PAM: variants seen among roughly 807,000 people sequenced by gnomAD.
PAM encodes the protein peptidyl-glycine alpha-amidating monooxygenase.
A neutral mutation model predicts 122.1 loss-of-function variants in PAM; 72 were observed. The ratio of observed to expected loss-of-function variants is 0.59; its 90% CI spans 0.49 to 0.72. The LOEUF is 0.72. Among genes scored for constraint, PAM ranks in the 30% least tolerant of loss-of-function variants. The pLI is 0.00. For synonymous variants in PAM, 389 were observed against 404.4 expected (o/e 0.96, Z 0.46); for missense variants, 1,106 against 1,183.7 (o/e 0.93, Z 0.96).
chr5:102,852,923 A>G (rs1421454989), intron 1 of PAM, among the ~76,000 whole-genome samples: 5 of 152,212 alleles, frequency 3.3e-5, no homozygotes. Flanking sequence ...TCTTGTCCGT[A>G]TTTCTCTAAG....
At chr5:102,859,961 G>A (rs1216195556) in intron 1 of PAM, among the ~76,000 whole-genome samples, 1 of 152,170 alleles carries the variant, frequency 6.6e-6, no homozygotes, top group Non-Finnish European at 1.5e-5. Context: ...GTTTATGTAA[G>A]TACAGCCAAT....
intron 1 of PAM, among the ~76,000 whole-genome samples, chr5:102,844,358 A>T (rs57464900): frequency 6.6e-6 from 1 of 152,200 alleles, no homozygotes; most frequent in Non-Finnish European, 1.5e-5. Flanking sequence ...ATCTCTCTGT[A>T]CTATTTCTTC....
At chr5:102,886,464 G>A (rs969276491) in intron 3 of PAM, among the ~76,000 whole-genome samples, 6 of 151,660 alleles carry the variant, frequency 4.0e-5, no homozygotes, top group Admixed American at 2.0e-4. Context: ...ATACCAGTCT[G>A]CCACAACATT....
upstream of PAM, chr5:102,755,205 A>G (rs888803): frequency 0.029 from 4,374 of 152,292 alleles, 111 homozygotes; most frequent in East Asian, 0.14. Flanking sequence ...CACGCCGAGG[A>G]GAGGGAGCCC....
At chr5:102,838,855 A>G (rs771179038) in intron 1 of PAM, among the ~76,000 whole-genome samples, 6 of 152,186 alleles carry the variant, frequency 3.9e-5, no homozygotes, top group African/African-American at 7.2e-5. Flanking sequence ...ATTCTTTAAT[A>G]TGGAGAGTTG....
At chr5:103,003,536 A>G (rs566164145) in intron 17 of PAM, among the ~76,000 whole-genome samples, 1 of 152,050 alleles carries the variant, frequency 6.6e-6, no homozygotes, top group South Asian at 2.1e-4. Flanking sequence ...TTGTATACAT[A>G]TGTCATAACA....
intron 5 of PAM, among the ~76,000 whole-genome samples, chr5:102,924,306 A>G (rs1198107130): frequency 6.6e-6 from 1 of 151,662 alleles, no homozygotes; most frequent in Non-Finnish European, 1.5e-5. Flanking sequence ...GGTGGTGGGC[A>G]CCTGTAATCC....
intron 15 of PAM, among the ~76,000 whole-genome samples, chr5:102,986,467 A>G (rs1385766865): frequency 1.3e-5 from 2 of 152,332 alleles, no homozygotes; most frequent in Middle Eastern, 3.4e-3. Flanking sequence ...AAAGAAATCA[A>G]GAAAGCAGTC....
chr5:102,897,697 C>T (rs1796596333), intron 3 of PAM, among the ~76,000 whole-genome samples: 3 of 151,572 alleles, frequency 2.0e-5, no homozygotes, highest in African/African-American at 7.3e-5. Flanking sequence ...TCTATTTGTA[C>T]ACCTCTTTGT....
At chr5:103,030,282 T>G (rs1240430118), downstream of PAM, 1 of 152,182 alleles carries the variant, frequency 6.6e-6, no homozygotes, top group Non-Finnish European at 1.5e-5. Context: ...TTTCCATGTA[T>G]CCATAGGAAT....
rs535524417 is a variant in PAM at position 102,836,948 on chromosome 5, A to G, written c.-373-28875A>G. 3.3e-5 allele frequency among the ~76,000 whole-genome samples: 5 copies of G among 150,040 alleles called. No individual in the cohort carries two copies. In the South Asian group the frequency reaches 1.1e-3, roughly 32 times the overall value. On this transcript the variant is annotated intron_variant, in intron 1 of 25. Transcript: ENST00000438793. ...GGTGAGGGAAAGCTGCTCACCTCAC[A>G]GGAAGGCTGAAGCCTGAAATGATAA...
intron 4 of PAM, among the ~76,000 whole-genome samples, chr5:102,905,832 A>C (rs1223529006): frequency 1.3e-5 from 2 of 151,706 alleles, no homozygotes; most frequent in Non-Finnish European, 3.0e-5. Flanking sequence ...AAACATAAAT[A>C]ATGAGTAGTC....
At chr5:102,889,866 T>C (rs1561778581) in intron 3 of PAM, among the ~76,000 whole-genome samples, 1 of 151,908 alleles carries the variant, frequency 6.6e-6, no homozygotes, top group Non-Finnish European at 1.5e-5. Context: ...TTCCTACTAC[T>C]TTTTTAGTCC....
At chr5:102,839,356 G>A (rs1777932063) in intron 1 of PAM, among the ~76,000 whole-genome samples, 1 of 152,012 alleles carries the variant, frequency 6.6e-6, no homozygotes, top group East Asian at 1.9e-4. Flanking sequence ...GAGGCTGAAA[G>A]TGAATGTGTA....
intron 1 of PAM, among the ~76,000 whole-genome samples, chr5:102,756,626 C>G (rs1011474071): frequency 1.3e-5 from 2 of 152,108 alleles, no homozygotes; most frequent in Non-Finnish European, 2.9e-5. Flanking sequence ...CACAAAAAAG[C>G]ATAGTTCATG....
At position 102,838,978 on chromosome 5, in the gene PAM, G is replaced by C. The variant is rs545062809; in HGVS notation, c.-373-26845G>C. Among the ~76,000 whole-genome samples the C allele has an allele frequency of 6.0e-4, 92 of 152,234 alleles. 1 individual carries two copies. Among genetic ancestry groups the C allele is most frequent in the African/African-American group, 2.1e-3 (86 of 41,530 alleles). ...TTGGGAGAAGTACACCTAAGTGTTGGAGTTCCTAGAAATCTTTAAAGAAAA... is the reference window on the plus strand; with the variant it reads ...TTGGGAGAAGTACACCTAAGTGTTGCAGTTCCTAGAAATCTTTAAAGAAAA... On this transcript the variant is annotated intron_variant, in intron 1 of 25. Coordinates refer to ENST00000438793, the MANE Select transcript of PAM (RefSeq NM_001177306.2).
At chr5:102,779,916 T>TACAC (rs1328714158) in intron 1 of PAM, among the ~76,000 whole-genome samples, 10 of 65,884 alleles carry the variant, frequency 1.5e-4, no homozygotes, top group African/African-American at 7.7e-4. Flanking sequence ...TATATATATA[T>TACAC]ATACACACAT....
intron 5 of PAM, among the ~76,000 whole-genome samples, chr5:102,915,137 CATTTAAT>C (rs1802710084): frequency 6.6e-6 from 1 of 152,070 alleles, no homozygotes; most frequent in Non-Finnish European, 1.5e-5. Flanking sequence ...CACTGTCACA[CATTTAAT>C]AGTCCGAAAT....
At chr5:103,015,534 A>T (rs1462584176) in intron 21 of PAM, among the ~76,000 whole-genome samples, 1 of 152,152 alleles carries the variant, frequency 6.6e-6, no homozygotes, top group Admixed American at 6.5e-5. Context: ...TTGGTCCTAA[A>T]ATTTAACCAC....
Sources: gnomAD v4.1 joint callset for allele counts (sites outside exome capture counted in the v4.1 genomes callset) on GRCh38, gnomAD v4.1.1 for gene constraint, MANE v1.5 for transcripts, NCBI Gene and HGNC (gene_info 2026-07-23, HGNC 2026-07-21) for gene names.